Variants in APOBEC3D observed in about 807,000 individuals in gnomAD.
APOBEC3D encodes DNA dC->dU-editing enzyme APOBEC-3D.
A neutral mutation model predicts 45.6 loss-of-function variants in APOBEC3D; 37 were observed. The ratio of observed to expected loss-of-function variants is 0.81; its 90% CI spans 0.62 to 1.07. The LOEUF is 1.07. APOBEC3D is among the 50% of genes least tolerant of loss of function. The pLI is 0.00. For missense variants in APOBEC3D, 496 were observed against 495.3 expected (o/e 1.00, Z -0.01); for synonymous variants, 175 against 180.7 (o/e 0.97, Z 0.25).
intron 5 of APOBEC3D, among the ~76,000 whole-genome samples, chr22:39,030,873 C>T (rs112839307): frequency 6.6e-5 from 10 of 152,082 alleles, no homozygotes; most frequent in African/African-American, 1.7e-4. Flanking sequence ...AGGGGCCAAG[C>T]GCGGTGGCTC....
At chr22:39,024,382 C>G (rs1416795912) in intron 2 of APOBEC3D, among the ~76,000 whole-genome samples, 1 of 152,162 alleles carries the variant, frequency 6.6e-6, no homozygotes, top group African/African-American at 2.4e-5. Flanking sequence ...GCTGAGGATG[C>G]CTGGTGAATG....
chr22:39,023,406 G>A (rs1873990269), intron 2 of APOBEC3D, among the ~76,000 whole-genome samples: 1 of 150,920 alleles, frequency 6.6e-6, no homozygotes, highest in Non-Finnish European at 1.5e-5. Context: ...ATAAGCCACC[G>A]TGCCTGGCCA....
intron 4 of APOBEC3D, among the ~76,000 whole-genome samples, chr22:39,028,624 C>G (rs1434107755): frequency 6.6e-6 from 1 of 152,156 alleles, no homozygotes; most frequent in Non-Finnish European, 1.5e-5. Context: ...CATGGTGAAA[C>G]ATGATCTCTA....
rs765992781 is a variant in APOBEC3D at position 39,025,080 on chromosome 22, G to A, written c.221G>A (p.Arg74Gln). Reference protein sequence around the residue: ...QSNHRQEVYFRFENHAEMCFL... With the variant: ...QSNHRQEVYFQFENHAEMCFL... ...CTGCTCCTCTCCCAGGTGTATTTCC[G>A]GTTTGAGAACCACGCAGAAATGTGC... The change falls in exon 3 of 7, where the codon CGG becomes CAG. Residue 74 changes from arginine (R) to glutamine (Q), a missense_variant. Arg to Gln is a conservative substitution (Grantham distance 43). Transcript: ENST00000216099. 5.7e-5 allele frequency: 84 copies of A among 1,479,844 alleles called. No homozygotes were observed. Among genetic ancestry groups the A allele is most frequent in the Non-Finnish European group, 7.0e-5 (77 of 1,096,282 alleles). 91.7% of individuals were successfully genotyped at this position (1,479,844 alleles called of 1,614,324 possible). A position where few individuals can be genotyped will look rare whatever the true frequency, so the allele number is the denominator to read the frequency against.
rs554606615 is a variant in APOBEC3D, at chr22:39,024,688, G to A, written c.211-382G>A. ...TCCAGACAGAGTGGCCTGGGATGTC[G>A]AGTCACTGGTGCTCCGTGACATGGG... On this transcript the variant is annotated intron_variant, in intron 2 of 6. Transcript: ENST00000216099. Among the ~76,000 whole-genome samples, 13 of 152,058 alleles carry A rather than the reference G, an allele frequency of 8.5e-5. 1 individual carries two copies. Among genetic ancestry groups the A allele is most frequent in the Non-Finnish European group, 1.8e-4 (12 of 68,014 alleles).
intron 2 of APOBEC3D, among the ~76,000 whole-genome samples, chr22:39,023,635 G>C (rs1357684086): frequency 6.6e-6 from 1 of 151,812 alleles, no homozygotes; most frequent in East Asian, 1.9e-4. Flanking sequence ...TTTTAATAGA[G>C]AAGGGATTTC....
intron 1 of APOBEC3D, 74 bp downstream of exon 1, chr22:39,021,610 G>T (rs1925116440): frequency 1.1e-5 from 18 of 1,604,614 alleles, no homozygotes; most frequent in Non-Finnish European, 1.5e-5. Context: ...CCTCAGCCCT[G>T]GCCTCCCCCT....
Position 39,025,184 on chromosome 22 carries a change from T to C in APOBEC3D, c.325T>C (p.Cys109Arg). Residue 109 changes from cysteine to arginine, a missense_variant, in exon 3 of 7, where the codon TGC (cysteine) becomes CGC (arginine). By Grantham distance (180) the Cys-to-Arg change is radical. Transcript: ENST00000216099. ...CACCTGGTTTGTATCATGGAACCCC[T>C]GCCTGCCCTGTGTGGTGAAGGTGAC... Reference protein sequence around the residue: ...QITWFVSWNPCLPCVVKVTKF... With the variant: ...QITWFVSWNPRLPCVVKVTKF... 1.2e-6 allele frequency: 2 copies of C among 1,614,138 alleles called. No individual in the cohort carries two copies. The highest frequency in any genetic ancestry group is 1.7e-6 in the Non-Finnish European group (2 of 1,180,014).
At position 39,032,540 on chromosome 22, in the gene APOBEC3D, C is replaced by T. The variant is rs1365400991; in HGVS notation, c.*224C>T. 3.1e-6 allele frequency: 4 copies of T among 1,285,528 alleles called. No individual in the cohort carries two copies. Among genetic ancestry groups the T allele is most frequent in the African/African-American group, 1.5e-5 (1 of 66,204 alleles). 79.6% of individuals were successfully genotyped at this position (1,285,528 alleles called of 1,614,324 possible). On this transcript the variant is annotated 3_prime_UTR_variant, in exon 7 of 7. Transcript: ENST00000216099. Reference sequence around the variant, plus strand: ...CACCTCCCCAGTCCTGTTCCCCCAGCCTGGGTGCCCCTAACTTGACTCTTC... The same window carrying T: ...CACCTCCCCAGTCCTGTTCCCCCAGTCTGGGTGCCCCTAACTTGACTCTTC...
rs530993321 is a variant in APOBEC3D, at chr22:39,027,753, C to T, written c.606-1610C>T. 9.5e-4 allele frequency among the ~76,000 whole-genome samples: 144 copies of T among 152,286 alleles called. 1 individual carries two copies. In the South Asian group the frequency reaches 0.029, roughly 31 times the overall value. On this transcript the variant is annotated intron_variant, in intron 4 of 6. Transcript: ENST00000216099. ...CCCTGCCCCAGCCCTGGGCTCCCTCCCCTCTGGTTCCTCTGCTGCTCCCAC... is the reference window on the plus strand; with the variant it reads ...CCCTGCCCCAGCCCTGGGCTCCCTCTCCTCTGGTTCCTCTGCTGCTCCCAC...
chr22:39,033,164 C>A lies in APOBEC3D; in HGVS notation c.*848C>A. 1 of 691,990 alleles carries A rather than the reference C, an allele frequency of 1.4e-6. No individual in the cohort carries two copies. Among genetic ancestry groups the A allele is most frequent in the Non-Finnish European group, 1.8e-6 (1 of 562,072 alleles). The allele number at this position is 691,990 out of a possible 1,614,324, so 42.9% of individuals were successfully genotyped here. ...CCGGGGAGGTGGAGGCTGGAGTAAA[C>A]TGAGATCGCGCCACAGAACTCCAGT... On this transcript the variant is annotated 3_prime_UTR_variant, in exon 7 of 7. Coordinates refer to ENST00000216099, the MANE Select transcript of APOBEC3D (RefSeq NM_152426.4).
rs964959807 is a variant in APOBEC3D at position 39,032,419 on chromosome 22, T to C, written c.*103T>C. The C allele has an allele frequency of 5.8e-6, 9 of 1,542,746 alleles. No homozygotes were observed. The highest frequency in any genetic ancestry group is 7.8e-6 in the Non-Finnish European group (9 of 1,148,540). On this transcript the variant is annotated 3_prime_UTR_variant, in exon 7 of 7. Transcript: ENST00000216099. Reference sequence around the variant, plus strand: ...CAGCTGTGCTTTTGCCTGGTCATCCTGAGCCCCTCCTGGCCTCAGGGCCAT... The same window carrying C: ...CAGCTGTGCTTTTGCCTGGTCATCCCGAGCCCCTCCTGGCCTCAGGGCCAT...
In APOBEC3D at chr22:39,025,069, G is replaced by C. The variant is rs948633364; in HGVS notation, c.211-1G>C. On this transcript the variant is annotated splice_acceptor_variant, in intron 2 of 6. Coordinates refer to ENST00000216099, the MANE Select transcript of APOBEC3D (RefSeq NM_152426.4). LOFTEE classifies it high-confidence loss of function. ...TTCCCCTGCCCCTGCTCCTCTCCCA[G>C]GTGTATTTCCGGTTTGAGAACCACG... 4 of 1,324,208 alleles carry C rather than the reference G, an allele frequency of 3.0e-6. No individual in the cohort carries two copies. Among genetic ancestry groups the C allele is most frequent in the Non-Finnish European group, 4.0e-6 (4 of 1,000,536 alleles). 82.0% of individuals were successfully genotyped at this position (1,324,208 alleles called of 1,614,324 possible). A position where few individuals can be genotyped will look rare whatever the true frequency, so the allele number is the denominator to read the frequency against.
intron 4 of APOBEC3D, among the ~76,000 whole-genome samples, chr22:39,028,960 G>A (rs1925947570): frequency 6.6e-6 from 1 of 152,114 alleles, no homozygotes; most frequent in Non-Finnish European, 1.5e-5. Flanking sequence ...CTGTGATCCC[G>A]ATATAAAAAT....
intron 4 of APOBEC3D, among the ~76,000 whole-genome samples, chr22:39,028,970 T>C (rs1166011243): frequency 6.6e-6 from 1 of 152,128 alleles, no homozygotes; most frequent in Non-Finnish European, 1.5e-5. Flanking sequence ...GATATAAAAA[T>C]AATCATCATC....
chr22:39,027,936 G>A (rs1925843152), intron 4 of APOBEC3D, among the ~76,000 whole-genome samples: 1 of 152,232 alleles, frequency 6.6e-6, no homozygotes, highest in Admixed American at 6.5e-5. Flanking sequence ...TGCTCCCTCT[G>A]TGTGCTTCCC....
Position 39,021,486 on chromosome 22 carries a change from G to A in APOBEC3D, c.-34G>A. On this transcript the variant is annotated 5_prime_UTR_variant, in exon 1 of 7. Transcript: ENST00000216099. ...AAACCACAGCACTTCAAAAAAAGAGGGAGACTGGGACAAGCGTATCTAAGA... is the reference window on the plus strand; with the variant it reads ...AAACCACAGCACTTCAAAAAAAGAGAGAGACTGGGACAAGCGTATCTAAGA... The A allele has an allele frequency of 6.2e-7, 1 of 1,614,116 alleles. No individual in the cohort carries two copies. Among genetic ancestry groups the A allele is most frequent in the Non-Finnish European group, 8.5e-7 (1 of 1,179,990 alleles).
At position 39,032,652 on chromosome 22, in the gene APOBEC3D, G is replaced by A. The variant is rs1926344241; in HGVS notation, c.*336G>A. 2 of 990,694 alleles carry A rather than the reference G, an allele frequency of 2.0e-6. No homozygotes were observed. Among genetic ancestry groups the A allele is most frequent in the South Asian group, 4.4e-5 (1 of 22,930 alleles). 61.4% of individuals were successfully genotyped at this position (990,694 alleles called of 1,614,324 possible). A position where few individuals can be genotyped will look rare whatever the true frequency, so the allele number is the denominator to read the frequency against. On this transcript the variant is annotated 3_prime_UTR_variant, in exon 7 of 7. Transcript: ENST00000216099. ...TCTGTCGCCCAGACTAGAGTGCAAT[G>A]GCTGGATCTCAGCTCACTGCAAACT...
rs7286748 is a variant in APOBEC3D, at chr22:39,022,197, C to A, written c.18-625C>A. Among the ~76,000 whole-genome samples, 678 of 152,358 alleles carry A rather than the reference C, an allele frequency of 4.5e-3. 5 individuals are homozygous for A. Among genetic ancestry groups the A allele is most frequent in the African/African-American group, 0.016 (654 of 41,582 alleles). Reference sequence around the variant, plus strand: ...CCCAGTCCCCAACAGCTTTCTCCTGCAGGGCCCGTGATGCAGAGGCTGCAC... The same window carrying A: ...CCCAGTCCCCAACAGCTTTCTCCTGAAGGGCCCGTGATGCAGAGGCTGCAC... On this transcript the variant is annotated intron_variant, in intron 1 of 6. Coordinates refer to ENST00000216099, the MANE Select transcript of APOBEC3D (RefSeq NM_152426.4).
Sources: allele counts gnomAD v4.1 joint callset (sites outside exome capture counted in the v4.1 genomes callset), GRCh38; gene constraint gnomAD v4.1.1; transcripts MANE v1.5; gene names NCBI Gene and HGNC (gene_info 2026-07-23, HGNC 2026-07-21).